Variants in CIITA observed in about 807,000 individuals in gnomAD.
The protein encoded by CIITA is MHC class II transactivator.
Under a neutral mutation model 115.1 loss-of-function variants are expected in CIITA, and 72 were observed. The observed-to-expected ratio is 0.63, with a 90% confidence interval of 0.52 to 0.76. The LOEUF is 0.76. CIITA is among the 30% of genes least tolerant of loss of function. The probability of loss-of-function intolerance (pLI) is 0.00; values close to 1 mark genes in which losing one functional copy is unlikely to be tolerated. For missense variants in CIITA, 1,617 were observed against 1,463.8 expected, an observed-to-expected ratio of 1.10 and a Z score of -1.71; for synonymous variants, 763 against 635.6, an observed-to-expected ratio of 1.20 and a Z score of -3.02.
chr16:10,876,735 CA>C (rs551382269), upstream of CIITA, among the ~76,000 whole-genome samples: 25 of 152,274 alleles, frequency 1.6e-4, no homozygotes, highest in African/African-American at 5.5e-4. Context: ...ACAGGTGGGC[CA>C]CTTATGATCT....
In CIITA at chr16:10,941,919, G is replaced by A. The variant is rs774787322; in HGVS notation, n.1045G>A. On this transcript the variant is annotated non_coding_transcript_exon_variant, in exon 2 of 2. Coordinates refer to the CIITA transcript ENST00000573379. This position sits in a 1 kb window ranked among gnomAD's most constrained non-coding sequence, Gnocchi z 6.4. ...CATTGACGAAGAACAGGCCCACGTAGAACATAGAGGGCAGCAGCGGCGGCG... is the reference window on the plus strand; with the variant it reads ...CATTGACGAAGAACAGGCCCACGTAAAACATAGAGGGCAGCAGCGGCGGCG... The A allele has an allele frequency of 3.7e-6, 6 of 1,604,340 alleles. No individual in the cohort carries two copies. Among genetic ancestry groups the A allele is most frequent in the South Asian group, 3.3e-5 (3 of 89,970 alleles).
Position 10,942,717 on chromosome 16 carries a change from G to A in CIITA, n.1843G>A, listed in dbSNP as rs761833195. The A allele has an allele frequency of 1.1e-4, 17 of 152,256 alleles. No individual in the cohort carries two copies. Among genetic ancestry groups the A allele is most frequent in the Admixed American group, 9.8e-4 (15 of 15,284 alleles). 9.4% of individuals were successfully genotyped at this position (152,256 alleles called of 1,614,324 possible). A position where few individuals can be genotyped will look rare whatever the true frequency, so the allele number is the denominator to read the frequency against. ...AGAGACTGAACACAGTTCAAACCTA[G>A]ACATAATGCTAAGGCCGCAAAAGCC... On this transcript the variant is annotated non_coding_transcript_exon_variant, in exon 2 of 2. Coordinates refer to the CIITA transcript ENST00000573379. This position sits in a 1 kb window ranked among gnomAD's most constrained non-coding sequence, Gnocchi z 5.0.
At position 10,931,472 on chromosome 16, in the gene CIITA, CA is replaced by C. The variant is rs1385150626; in HGVS notation, c.*7618del. ...ATGGGCTACACGTGGAATTTACTAA[CA>C]CTCCGGTTTTCATTGTGTTTATCTG... On this transcript the variant is annotated 3_prime_UTR_variant, in exon 20 of 20. Coordinates refer to ENST00000324288, the MANE Select transcript of CIITA (RefSeq NM_000246.4). The C allele has an allele frequency of 6.6e-6, 1 of 152,250 alleles. No homozygotes were observed. Among genetic ancestry groups the C allele is most frequent in the African/African-American group, 2.4e-5 (1 of 41,466 alleles). The allele number at this position is 152,250 out of a possible 1,614,324, so 9.4% of individuals were successfully genotyped here. A position where few individuals can be genotyped will look rare whatever the true frequency, so the allele number is the denominator to read the frequency against.
At chr16:10,903,665 T>A in intron 8 of CIITA, 66 bp from the exon 9 acceptor site, 1 of 1,569,862 alleles carries the variant, frequency 6.4e-7, no homozygotes, top group Non-Finnish European at 8.8e-7. Flanking sequence ...GGAGTAGGGG[T>A]GACCCAAGTG....
rs544948160 is a variant in CIITA, at chr16:10,899,996, G to C, written c.436+994G>C. On this transcript the variant is annotated intron_variant, in intron 5 of 19. Transcript: ENST00000324288. The stretch of plus-strand genomic sequence containing the variant: ...CTCGGGAGGCTGAGGCAGGAGAATC[G>C]CTTGAACCCAGGAGGTGGAGGTTGC... Among the ~76,000 whole-genome samples the C allele has an allele frequency of 2.6e-5, 4 of 152,162 alleles. No individual in the cohort carries two copies. The East Asian group carries it at 7.7e-4, about 29-fold the overall frequency.
At chr16:10,872,319 C>A (rs576358530), upstream of CIITA, among the ~76,000 whole-genome samples, 68 of 152,078 alleles carry the variant, frequency 4.5e-4, no homozygotes, top group Non-Finnish European at 7.4e-4. Context: ...GACAGGGTTT[C>A]ATCATGTTGG....
intron 7 of CIITA, 143 bp downstream of exon 7, chr16:10,902,327 T>C: frequency 1.6e-6 from 2 of 1,289,108 alleles, no homozygotes; most frequent in Non-Finnish European, 2.2e-6. Context: ...CCCAGCCAGT[T>C]TTATCCTTGG....
intron 1 of CIITA, among the ~76,000 whole-genome samples, chr16:10,894,982 C>T (rs2037975068): frequency 6.6e-6 from 1 of 152,192 alleles, no homozygotes; most frequent in Non-Finnish European, 1.5e-5. Flanking sequence ...TGTTACCACT[C>T]ATGGCATTGC....
At position 10,908,026 on chromosome 16, in the gene CIITA, C is replaced by A; in HGVS notation, c.2534C>A (p.Ala845Glu). 6.2e-7 allele frequency: 1 copy of A among 1,610,652 alleles called. No homozygotes were observed. Among genetic ancestry groups the A allele is most frequent in the Non-Finnish European group, 8.5e-7 (1 of 1,177,382 alleles). ...GGCACCCGCCTCACGCCTCCTGATG[C>A]ACATGTACTGGGCAAGGCCTTGGAG... is the stretch of plus-strand genomic sequence containing the variant. ...FLGTRLTPPD[A>E]HVLGKALEAA... The change falls in exon 11 of 20, where the codon GCA (alanine) becomes GAA (glutamate). Residue 845 changes from alanine to glutamate, a missense_variant. By Grantham distance (107) the Ala-to-Glu change is moderately radical. Transcript: ENST00000324288.
downstream of CIITA, chr16:10,939,399 C>A (rs549842380): frequency 2.0e-5 from 3 of 152,288 alleles, no homozygotes; most frequent in Non-Finnish European, 4.4e-5. This position sits in a 1 kb window ranked among gnomAD's most constrained non-coding sequence, Gnocchi z 4.9. Flanking sequence ...TGGCTTTCCA[C>A]TGCTCTTGGC....
intron 1 of CIITA, chr16:10,866,515 C>T (rs776905914): frequency 3.6e-6 from 2 of 555,252 alleles, no homozygotes; most frequent in African/African-American, 1.9e-5. Context: ...GGGGTGGGCC[C>T]GGAGTGGGCT....
In CIITA at chr16:10,902,693, C is replaced by A; in HGVS notation, c.664C>A (p.Leu222Ile). ...FSSSSLSCLN[L>I]PEGPIQFVPT... ...CAGTTCCTCGTTGAGCTGCCTGAAT[C>A]TCCCTGAGGGACCCATCCAGTTTGT... is the stretch of plus-strand genomic sequence containing the variant. The change falls in exon 8 of 20, where the codon CTC becomes ATC. Residue 222 changes from leucine to isoleucine, a missense_variant. Transcript: ENST00000324288. The A allele has an allele frequency of 6.2e-7, 1 of 1,614,252 alleles. No individual in the cohort carries two copies.
At chr16:10,900,111 A>G (rs955204009) in intron 5 of CIITA, among the ~76,000 whole-genome samples, 2 of 151,444 alleles carry the variant, frequency 1.3e-5, no homozygotes, top group Non-Finnish European at 1.5e-5. Context: ...ATATTCAGTG[A>G]AAAAAAAATC....
At chr16:10,893,999 C>T (rs2037866160) in intron 1 of CIITA, among the ~76,000 whole-genome samples, 2 of 151,798 alleles carry the variant, frequency 1.3e-5, no homozygotes, top group Admixed American at 6.6e-5. Context: ...CCCTAGGCAA[C>T]CACTAATATG....
intron 1 of CIITA, among the ~76,000 whole-genome samples, chr16:10,892,249 G>C (rs1445185320): frequency 2.0e-5 from 3 of 152,020 alleles, no homozygotes; most frequent in Non-Finnish European, 4.4e-5. Context: ...GCTTGAATCC[G>C]GGAGGCAGAG....
Position 10,935,941 on chromosome 16 carries a change from G to A in CIITA, c.*12086G>A, listed in dbSNP as rs571263873. 1 of 152,086 alleles carries A rather than the reference G, an allele frequency of 6.6e-6. No individual in the cohort carries two copies. The highest frequency in any genetic ancestry group is 1.9e-4 in the East Asian group (1 of 5,180). 9.4% of individuals were successfully genotyped at this position (152,086 alleles called of 1,614,324 possible). Reference sequence around the variant, plus strand: ...AAAAGCTGATCTGGGATTGCATCTTGGACCTCAACTCTCCCCTTTTTATTG... The same window carrying A: ...AAAAGCTGATCTGGGATTGCATCTTAGACCTCAACTCTCCCCTTTTTATTG... On this transcript the variant is annotated 3_prime_UTR_variant, in exon 20 of 20. Coordinates refer to ENST00000324288, the MANE Select transcript of CIITA (RefSeq NM_000246.4).
chr16:10,889,037 AT>A (rs1429150893), intron 1 of CIITA, among the ~76,000 whole-genome samples: 1 of 152,196 alleles, frequency 6.6e-6, no homozygotes, highest in East Asian at 1.9e-4. Context: ...GACACTGTGA[AT>A]TCTAGTTCTA....
At chr16:10,896,689 C>T (rs2038162453) in intron 3 of CIITA, among the ~76,000 whole-genome samples, 1 of 152,224 alleles carries the variant, frequency 6.6e-6, no homozygotes, top group Admixed American at 6.5e-5. Context: ...CCCCCATTTT[C>T]CTTGTTGGCT....
Position 10,895,699 on chromosome 16 carries a change from A to G in CIITA, c.230A>G (p.Gln77Arg). The change falls in exon 3 of 20, where the codon CAG (glutamine) becomes CGG (arginine). Residue 77 changes from glutamine (Q) to arginine (R), a missense_variant. Coordinates refer to ENST00000324288, the MANE Select transcript of CIITA (RefSeq NM_000246.4). Reference sequence around the variant, plus strand: ...GACACAGACACCATCAACTGCGACCAGTTCAGCAGGCTGTTGTGTGACATG... The same window carrying G: ...GACACAGACACCATCAACTGCGACCGGTTCAGCAGGCTGTTGTGTGACATG... ...EPDTDTINCD[Q>R]FSRLLCDMEG... 2 of 1,614,178 alleles carry G rather than the reference A, an allele frequency of 1.2e-6. No homozygotes were observed. Among genetic ancestry groups the G allele is most frequent in the South Asian group, 1.1e-5 (1 of 91,082 alleles).
Sources: gnomAD v4.1 joint callset for allele counts (sites outside exome capture counted in the v4.1 genomes callset) on GRCh38, gnomAD v4.1.1 for gene constraint, Gnocchi (gnomAD v3.1) non-coding constraint, MANE v1.5 for transcripts, NCBI Gene and HGNC (gene_info 2026-07-23, HGNC 2026-07-21) for gene names.